The following CBR4 variants were observed in gnomAD, a reference collection of about 807,000 sequenced individuals.
The protein encoded by CBR4 is 3-oxoacyl-[acyl-carrier-protein] reductase.
In CBR4, 22 loss-of-function variants were observed where a neutral mutation model predicts 21.0. The observed-to-expected ratio is 1.05, with a 90% confidence interval of 0.75 to 1.50. The LOEUF (loss-of-function observed/expected upper bound fraction) is 1.50, where lower values mean the gene tolerates loss of function less well. CBR4 is among the 40% of genes most tolerant of loss of function. The probability of loss-of-function intolerance (pLI) is 0.00; values close to 1 mark genes in which losing one functional copy is unlikely to be tolerated. For synonymous variants in CBR4, 100 were observed against 104.4 expected (o/e 0.96, Z 0.26); for missense variants, 302 against 286.3 (o/e 1.05, Z -0.40).
chr4:168,927,225 A>G (rs1762680574), intron 2 of CBR4: 1 of 231,256 alleles, frequency 4.3e-6, no homozygotes. Context: ...AGGAGAATGA[A>G]GGAAAATGCA....
chr4:168,917,469 T>C (rs1245475165), intron 2 of CBR4, among the ~76,000 whole-genome samples: 1 of 152,200 alleles, frequency 6.6e-6, no homozygotes, highest in African/African-American at 2.4e-5. Context: ...CAAAGGAGTT[T>C]AGGGAAAAAA....
At chr4:168,983,068 A>G (rs1159056106), downstream of CBR4, among the ~76,000 whole-genome samples, 2 of 152,186 alleles carry the variant, frequency 1.3e-5, no homozygotes, top group East Asian at 3.8e-4. Context: ...AACCAAAATC[A>G]GAGCTGAACT....
At position 168,928,250 on chromosome 4, in the gene CBR4, G is replaced by C. The variant is rs886059217; in HGVS notation, n.170-33485C>G. ...TATGTCTTACTTGCCAAATTTTTCT[G>C]AATGTGACCTTTTTTTGCTGATTTG... On this transcript the variant is annotated intron_variant and non_coding_transcript_variant, in intron 2 of 3. Coordinates refer to the CBR4 transcript ENST00000509108. 14 of 182,912 alleles carry C rather than the reference G, an allele frequency of 7.7e-5. No individual in the cohort carries two copies. Among genetic ancestry groups the C allele is most frequent in the Middle Eastern group, 3.9e-3 (2 of 516 alleles). 11.3% of individuals were successfully genotyped at this position (182,912 alleles called of 1,614,324 possible).
At chr4:168,995,735 A>G (rs1439129474) in intron 4 of CBR4, among the ~76,000 whole-genome samples, 2 of 152,128 alleles carry the variant, frequency 1.3e-5, no homozygotes, top group Non-Finnish European at 2.9e-5. Context: ...GCCACTGTCC[A>G]ACAAATAATG....
At chr4:169,005,740 T>G in intron 3 of CBR4, 2 of 474,960 alleles carry the variant, frequency 4.2e-6, no homozygotes, top group South Asian at 3.8e-5. Flanking sequence ...CCCTTAAATT[T>G]TTAAGAGTAA....
chr4:168,935,020 C>A (rs932553021), intron 2 of CBR4, among the ~76,000 whole-genome samples: 1 of 152,170 alleles, frequency 6.6e-6, no homozygotes, highest in Non-Finnish European at 1.5e-5. Context: ...GGTCTGCAAC[C>A]CCCAGCAAGA....
chr4:168,995,795 T>C (rs953165358), intron 4 of CBR4, among the ~76,000 whole-genome samples: 4 of 152,168 alleles, frequency 2.6e-5, no homozygotes, highest in African/African-American at 9.7e-5. Flanking sequence ...AGGACAGACA[T>C]GTGATCCCCC....
chr4:168,969,511 A>G (rs147479390), intron 2 of CBR4, among the ~76,000 whole-genome samples: 57 of 152,300 alleles, frequency 3.7e-4, no homozygotes, highest in African/African-American at 1.3e-3. Flanking sequence ...CTTAAAAGCA[A>G]AGAAATTTTT....
chr4:168,936,007 C>T (rs1206261196), intron 2 of CBR4, among the ~76,000 whole-genome samples: 5 of 152,142 alleles, frequency 3.3e-5, no homozygotes, highest in Non-Finnish European at 7.4e-5. Context: ...CAGCAGGGGT[C>T]GACAGACATC....
chr4:168,916,699 T>TTTGG (rs1760177963), intron 2 of CBR4, among the ~76,000 whole-genome samples: 1 of 150,936 alleles, frequency 6.6e-6, no homozygotes, highest in Non-Finnish European at 1.5e-5. Context: ...TTTTTTTTTT[T>TTTGG]GAGACAGAGT....
chr4:168,994,974 A>C (rs541535461), intron 4 of CBR4, among the ~76,000 whole-genome samples: 2 of 152,038 alleles, frequency 1.3e-5, no homozygotes, highest in South Asian at 4.2e-4. Context: ...GGCTGGTCTC[A>C]AATTACTGGC....
At chr4:168,925,136 A>G in intron 2 of CBR4, 1 of 1,599,194 alleles carries the variant, frequency 6.3e-7, no homozygotes, top group Non-Finnish European at 8.6e-7. Flanking sequence ...GAAAAATTAG[A>G]CATCTGGACA....
At chr4:168,973,893 T>C (rs1179462618) in intron 2 of CBR4, among the ~76,000 whole-genome samples, 2 of 152,348 alleles carry the variant, frequency 1.3e-5, no homozygotes, top group Admixed American at 6.5e-5. Flanking sequence ...ATCTTTTAAG[T>C]GGACCATTTA....
chr4:168,913,924 C>T, intron 2 of CBR4: 1 of 1,596,050 alleles, frequency 6.3e-7, no homozygotes. Context: ...GATATTTCTA[C>T]AGGGCCGCAT....
intron 2 of CBR4, among the ~76,000 whole-genome samples, chr4:168,900,048 A>G (rs1285961308): frequency 6.6e-6 from 1 of 152,224 alleles, no homozygotes; most frequent in Non-Finnish European, 1.5e-5. Context: ...GGCGAAGGCG[A>G]AAAAGGTGAA....
At chr4:168,942,830 A>G (rs1482309970) in intron 2 of CBR4, among the ~76,000 whole-genome samples, 3 of 152,178 alleles carry the variant, frequency 2.0e-5, no homozygotes, top group Non-Finnish European at 4.4e-5. Context: ...GATATTTCAC[A>G]AAAGAAGACA....
rs776143139 is a variant in CBR4 at position 168,903,886 on chromosome 4, A to G, written n.170-9121T>C. The G allele has an allele frequency of 2.5e-6, 4 of 1,614,116 alleles. No homozygotes were observed. Among genetic ancestry groups the G allele is most frequent in the Admixed American group, 1.7e-5 (1 of 60,032 alleles). ...CCTAGATGATGATGGGAATTATACA[A>G]TTATGGCTGCAAACCCTCAGGTAAA... On this transcript the variant is annotated intron_variant and non_coding_transcript_variant, in intron 2 of 3. Transcript: ENST00000509108.
chr4:169,003,205 T>C (rs1475023655), intron 3 of CBR4, among the ~76,000 whole-genome samples: 2 of 152,226 alleles, frequency 1.3e-5, no homozygotes, highest in African/African-American at 4.8e-5. Flanking sequence ...AAAAGCCTTC[T>C]GGAAAGGATT....
chr4:169,008,354 C>T (rs897036356), intron 1 of CBR4, among the ~76,000 whole-genome samples: 2 of 152,122 alleles, frequency 1.3e-5, no homozygotes, highest in Non-Finnish European at 2.9e-5. Context: ...GCAACTGTTA[C>T]TTACCACTTT....
Sources: gnomAD v4.1 joint callset for allele counts (sites outside exome capture counted in the v4.1 genomes callset) on GRCh38, gnomAD v4.1.1 for gene constraint, MANE v1.5 for transcripts, NCBI Gene and HGNC (gene_info 2026-07-23, HGNC 2026-07-21) for gene names.